CFAP61: variants seen among roughly 807,000 people sequenced by gnomAD.
CFAP61 encodes cilia and flagella associated protein 61, also known as cilia- and flagella-associated protein 61.
In CFAP61, 107 loss-of-function variants were observed where a neutral mutation model predicts 135.6. The ratio of observed to expected loss-of-function variants is 0.79; its 90% CI spans 0.67 to 0.93. The LOEUF (loss-of-function observed/expected upper bound fraction) is 0.93. CFAP61 is among the 40% of genes least tolerant of loss of function. CFAP61 has a pLI of 0.00. For missense variants in CFAP61, 1,507 were observed against 1,556.2 expected, an observed-to-expected ratio of 0.97 and a Z score of 0.53; for synonymous variants, 575 against 578.5, an observed-to-expected ratio of 0.99 and a Z score of 0.09.
intron 9 of CFAP61, among the ~76,000 whole-genome samples, chr20:20,144,983 A>G (rs376246811): frequency 1.3e-5 from 2 of 152,188 alleles, no homozygotes; most frequent in African/African-American, 4.8e-5. Context: ...TACACAGAAA[A>G]GGTGGAAAGG....
At chr20:20,224,752 T>A (rs538174939) in intron 17 of CFAP61, among the ~76,000 whole-genome samples, 1 of 152,106 alleles carries the variant, frequency 6.6e-6, no homozygotes, top group Admixed American at 6.5e-5. Flanking sequence ...ATTAGAAAAA[T>A]AGAAATGTCT....
chr20:20,307,963 T>C (rs113027704), intron 25 of CFAP61, among the ~76,000 whole-genome samples: 5 of 152,336 alleles, frequency 3.3e-5, no homozygotes, highest in African/African-American at 1.2e-4. Flanking sequence ...TGTAAAATTA[T>C]GAGCTGTTTG....
intron 25 of CFAP61, among the ~76,000 whole-genome samples, chr20:20,320,241 A>T (rs941149700): frequency 4.1e-5 from 6 of 145,958 alleles, no homozygotes. Flanking sequence ...AGGTGATTGG[A>T]AATTTGAAAC....
At chr20:20,282,831 C>T (rs527944980) in intron 22 of CFAP61, among the ~76,000 whole-genome samples, 4 of 151,802 alleles carry the variant, frequency 2.6e-5, no homozygotes, top group South Asian at 4.2e-4. Context: ...CCCAGTTACT[C>T]GGGAGGCTGA....
chr20:20,074,029 C>T (rs564437500), intron 3 of CFAP61: 107 of 447,932 alleles, frequency 2.4e-4, no homozygotes, highest in African/African-American at 1.8e-3. Context: ...GCAGCTCATT[C>T]GTGAGGGCAG....
At chr20:20,070,711 A>G (rs1198255496) in intron 2 of CFAP61, 143 bp from the exon 3 acceptor site, 3 of 664,776 alleles carry the variant, frequency 4.5e-6, no homozygotes, top group Non-Finnish European at 7.6e-6. Context: ...AAGTGGCTGC[A>G]ATATCATTCT....
At chr20:20,224,436 A>G (rs1002150723) in intron 17 of CFAP61, among the ~76,000 whole-genome samples, 2 of 152,082 alleles carry the variant, frequency 1.3e-5, no homozygotes, top group African/African-American at 4.8e-5. Flanking sequence ...TACCTAAGCA[A>G]TGGAATCTAT....
chr20:20,269,160 C>CATATGTATATAT (rs1385505756), intron 21 of CFAP61, among the ~76,000 whole-genome samples: 6 of 102,328 alleles, frequency 5.9e-5, no homozygotes, highest in Non-Finnish European at 1.1e-4. Context: ...CACACACACA[C>CATATGTATATAT]ACACATACAT....
chr20:20,164,361 AAC>A (rs1379722210), intron 11 of CFAP61, 133 bp downstream of exon 11: 1 of 866,056 alleles, frequency 1.2e-6, no homozygotes, highest in Non-Finnish European at 1.7e-6. Context: ...AATTTTTTAA[AAC>A]ACAAATTCCT....
chr20:20,255,979 A>C (rs1300670535), intron 20 of CFAP61, among the ~76,000 whole-genome samples: 2 of 152,176 alleles, frequency 1.3e-5, no homozygotes, highest in East Asian at 3.9e-4. Context: ...CTGAGGTGCC[A>C]CGTGAGAAGT....
chr20:20,190,343 G>A (rs2055833084), intron 14 of CFAP61, among the ~76,000 whole-genome samples: 1 of 152,086 alleles, frequency 6.6e-6, no homozygotes, highest in Admixed American at 6.6e-5. Context: ...ACTGAGTGGG[G>A]AAAAAAGCCA....
chr20:20,065,502 C>A (rs1381608683), intron 2 of CFAP61, among the ~76,000 whole-genome samples: 2 of 151,822 alleles, frequency 1.3e-5, no homozygotes, highest in African/African-American at 4.8e-5. Flanking sequence ...TGTCCTGAAG[C>A]TTCCAAAACA....
intron 25 of CFAP61, among the ~76,000 whole-genome samples, chr20:20,311,035 A>G (rs2079135744): frequency 6.6e-6 from 1 of 152,208 alleles, no homozygotes; most frequent in Non-Finnish European, 1.5e-5. Flanking sequence ...TACACTGGAC[A>G]TGAGTCTGGA....
At chr20:20,263,252 C>A in intron 21 of CFAP61, 122 bp downstream of exon 21, 1 of 656,338 alleles carries the variant, frequency 1.5e-6, no homozygotes, top group Non-Finnish European at 2.3e-6. Context: ...AATCATTCAT[C>A]TGTCATGCTT....
At chr20:20,312,971 T>C (rs1377300355) in intron 25 of CFAP61, among the ~76,000 whole-genome samples, 1 of 152,226 alleles carries the variant, frequency 6.6e-6, no homozygotes, top group African/African-American at 2.4e-5. Context: ...AATTTCTCTA[T>C]TGCCTTACTG....
chr20:20,290,911 C>G (rs2054959463), intron 24 of CFAP61, among the ~76,000 whole-genome samples: 1 of 152,204 alleles, frequency 6.6e-6, no homozygotes, highest in South Asian at 2.1e-4. Context: ...CCAGAACTCC[C>G]TAGCTAAGCC....
chr20:20,274,528 G>T (rs923994193), intron 21 of CFAP61, among the ~76,000 whole-genome samples: 3 of 152,254 alleles, frequency 2.0e-5, no homozygotes, highest in Admixed American at 2.0e-4. Context: ...TGGCATAGTG[G>T]TGCGGGCCTG....
intron 26 of CFAP61, among the ~76,000 whole-genome samples, chr20:20,355,932 A>G (rs2059116369): frequency 7.1e-6 from 1 of 141,268 alleles, no homozygotes; most frequent in Admixed American, 7.0e-5. Flanking sequence ...AGGTAGTGAC[A>G]CTGTGAGCAG....
intron 8 of CFAP61, among the ~76,000 whole-genome samples, chr20:20,126,599 G>A (rs1167555746): frequency 2.0e-5 from 3 of 151,900 alleles, no homozygotes; most frequent in African/African-American, 7.3e-5. Context: ...TAGTCTGATA[G>A]GTTTTCCTTT....
Sources: allele counts gnomAD v4.1 joint callset (sites outside exome capture counted in the v4.1 genomes callset), GRCh38; gene constraint gnomAD v4.1.1; transcripts MANE v1.5; gene names NCBI Gene and HGNC (gene_info 2026-07-23, HGNC 2026-07-21).